Variants in NFIX observed in about 807,000 individuals in gnomAD.
The protein encoded by NFIX is nuclear factor I X.
NFIX carries 2 observed loss-of-function variants against 53.3 expected under a neutral mutation model. The observed-to-expected ratio is 0.04, with a 90% CI of 0.02 to 0.12. The LOEUF (loss-of-function observed/expected upper bound fraction) is 0.12. Ranked by LOEUF, NFIX falls within the 10% of genes least tolerant of loss-of-function variation. NFIX has a pLI of 1.00. For missense variants in NFIX, 310 were observed against 674.5 expected (o/e 0.46, Z 5.99); for synonymous variants, 244 against 289.0 (o/e 0.84, Z 1.58).
Position 13,045,451 on chromosome 19 carries a change from C to T in NFIX, c.559+19899C>T, listed in dbSNP as rs2014922814. Among the ~76,000 whole-genome samples the T allele has an allele frequency of 6.6e-6, 1 of 152,188 alleles. No individual in the cohort carries two copies. The highest frequency in any genetic ancestry group is 1.9e-4 in the East Asian group (1 of 5,180). On this transcript the variant is annotated intron_variant, in intron 2 of 10. Transcript: ENST00000592199. This position sits in a 1 kb window ranked among gnomAD's most constrained non-coding sequence, Gnocchi z 4.4. The stretch of plus-strand genomic sequence containing the variant: ...GGATGCTGCTAGCTGTCCTACACTG[C>T]ACAAGACGACCCCCCATAGAAGACA...
chr19:13,010,202 C>G (rs2012256487), intron 1 of NFIX, among the ~76,000 whole-genome samples: 1 of 152,320 alleles, frequency 6.6e-6, no homozygotes, highest in African/African-American at 2.4e-5. Context: ...GCCGGGCGGG[C>G]GGCCGGCCCT....
Position 12,998,857 on chromosome 19 carries a change from A to C in NFIX, c.27+2993A>C, listed in dbSNP as rs991842088. ...ATTGGTGTAGGCTTAGCGACACAGC[A>C]GTACCTCTTTGACGCACGTATGGAC... On this transcript the variant is annotated intron_variant, in intron 1 of 10. Coordinates refer to ENST00000592199, the MANE Select transcript of NFIX (RefSeq NM_001365902.3). The surrounding 1 kb of genome is among the most constrained non-coding windows in gnomAD (Gnocchi z 4.4). 6.6e-6 allele frequency among the ~76,000 whole-genome samples: 1 copy of C among 152,214 alleles called. No homozygotes were observed. Among genetic ancestry groups the C allele is most frequent in the Non-Finnish European group, 1.5e-5 (1 of 68,040 alleles).
In NFIX at chr19:13,052,701, T is replaced by C. The variant is rs77679906; in HGVS notation, c.560-20346T>C. On this transcript the variant is annotated intron_variant, in intron 2 of 10. Coordinates refer to ENST00000592199, the MANE Select transcript of NFIX (RefSeq NM_001365902.3). The surrounding 1 kb of genome is among the most constrained non-coding windows in gnomAD (Gnocchi z 5.2). ...ACCCTGCCGATTCCATATACTGTGC[T>C]CATCTCGACCCAGTTGAGGCTGTGC... 0.033 allele frequency among the ~76,000 whole-genome samples: 5,093 copies of C among 152,240 alleles called. 98 individuals carry two copies. Among genetic ancestry groups the C allele is most frequent in the Middle Eastern group, 0.082 (24 of 294 alleles).
At chr19:13,079,869 C>T (rs1429545816) in intron 7 of NFIX, among the ~76,000 whole-genome samples, 2 of 152,222 alleles carry the variant, frequency 1.3e-5, no homozygotes, top group Non-Finnish European at 2.9e-5. Context: ...TTGGGAATTG[C>T]GTGTGCAAGG....
rs572089090 is a variant in NFIX, at chr19:13,081,580, C to T, written c.1079-100C>T. The T allele has an allele frequency of 3.1e-5, 40 of 1,311,184 alleles. 1 individual carries two copies. In the South Asian group the frequency reaches 5.3e-4, roughly 18 times the overall value. 81.2% of individuals were successfully genotyped at this position (1,311,184 alleles called of 1,614,324 possible). ...GCGGCTGCCTTACCTGCTCAGGATC[C>T]TCAGGACCCTCTGACCGGCAGCTCC... On this transcript the variant is annotated intron_variant, in intron 7 of 10. Coordinates refer to ENST00000592199, the MANE Select transcript of NFIX (RefSeq NM_001365902.3). The surrounding 1 kb of genome is among the most constrained non-coding windows in gnomAD (Gnocchi z 4.7).
rs1169326431 is a variant in NFIX at position 13,068,095 on chromosome 19, A to C, written c.560-4952A>C. Among the ~76,000 whole-genome samples, 2 of 151,178 alleles carry C rather than the reference A, an allele frequency of 1.3e-5. No homozygotes were observed. Among genetic ancestry groups the C allele is most frequent in the African/African-American group, 4.9e-5 (2 of 41,048 alleles). ...ACTCCAGCCTGGGTGACAGAGCAAG[A>C]CTCCATCTCAAAAAAAAAACAAAAA... On this transcript the variant is annotated intron_variant, in intron 2 of 10. Transcript: ENST00000592199. This position sits in a 1 kb window ranked among gnomAD's most constrained non-coding sequence, Gnocchi z 4.2.
intron 2 of NFIX, among the ~76,000 whole-genome samples, chr19:13,038,287 C>A (rs949262110): frequency 1.3e-5 from 2 of 152,170 alleles, no homozygotes; most frequent in African/African-American, 4.8e-5. Flanking sequence ...TTATTGCCTA[C>A]CAAAGAGTTT....
intron 8 of NFIX, chr19:13,082,179 A>C: frequency 3.0e-6 from 1 of 337,346 alleles, no homozygotes; most frequent in Non-Finnish European, 5.5e-6. Context: ...CTGGGCCCTG[A>C]CCTCCCAGCG....
intron 1 of NFIX, among the ~76,000 whole-genome samples, chr19:13,007,287 G>A (rs2012076964): frequency 6.6e-6 from 1 of 152,180 alleles, no homozygotes; most frequent in African/African-American, 2.4e-5. Context: ...TTGGGGGTGG[G>A]GGCCGGGCCT....
rs1047665296 is a variant in NFIX at position 13,088,367 on chromosome 19, C to T, written c.1402+231C>T. Among the ~76,000 whole-genome samples the T allele has an allele frequency of 2.0e-5, 3 of 152,118 alleles. No individual in the cohort carries two copies. Among genetic ancestry groups the T allele is most frequent in the Admixed American group, 6.5e-5 (1 of 15,288 alleles). ...TGCCCGCTGCTCCCAGCCGGGGCCC[C>T]TGGCCCAGGCCCCTCTGGGGGGCGG... On this transcript the variant is annotated intron_variant, in intron 9 of 10. Transcript: ENST00000592199. The surrounding 1 kb of genome is among the most constrained non-coding windows in gnomAD (Gnocchi z 5.9).
intron 2 of NFIX, among the ~76,000 whole-genome samples, chr19:13,029,016 G>A (rs1475919562): frequency 6.6e-6 from 1 of 152,156 alleles, no homozygotes; most frequent in Non-Finnish European, 1.5e-5. Flanking sequence ...TCCCTCCTGT[G>A]CGCCTGCAGC....
intron 1 of NFIX, among the ~76,000 whole-genome samples, chr19:13,004,040 G>T (rs1387267894): frequency 6.6e-6 from 1 of 152,126 alleles, no homozygotes; most frequent in Admixed American, 6.5e-5. Flanking sequence ...CTCCCAAGGT[G>T]CTGGGAGCCA....
chr19:13,058,869 T>C (rs544593232), intron 2 of NFIX, among the ~76,000 whole-genome samples: 5 of 151,736 alleles, frequency 3.3e-5, no homozygotes, highest in Admixed American at 2.6e-4. Context: ...CTAGACTGAG[T>C]GAATGAAACA....
At chr19:13,024,974 C>A (rs767327519) in intron 1 of NFIX, 47 bp from the exon 2 acceptor site, 2 of 1,553,906 alleles carry the variant, frequency 1.3e-6, no homozygotes. Flanking sequence ...GTCTTCCCCT[C>A]CTCCCGTCCT....
chr19:13,025,296 C>T lies in NFIX; in HGVS notation c.303C>T (p.Pro101=), dbSNP rs781518589. The change falls in exon 2 of 11, where the codon CCC becomes CCT. Residue 101 remains proline, a synonymous_variant. Transcript: ENST00000592199. This position sits in a 1 kb window ranked among gnomAD's most constrained non-coding sequence, Gnocchi z 7.5. ...FVLTITGKKP[P]CCVLSNPDQK... is the part of the protein sequence containing the mutation. ...TGACCATCACGGGCAAGAAGCCCCCCTGCTGCGTGCTCTCCAACCCCGACC... is the reference window on the plus strand; with the variant it reads ...TGACCATCACGGGCAAGAAGCCCCCTTGCTGCGTGCTCTCCAACCCCGACC... The T allele has an allele frequency of 2.5e-6, 4 of 1,613,962 alleles. No homozygotes were observed. The highest frequency in any genetic ancestry group is 1.1e-5 in the South Asian group (1 of 91,092).
At chr19:13,008,563 C>G (rs530890964) in intron 1 of NFIX, among the ~76,000 whole-genome samples, 3 of 152,330 alleles carry the variant, frequency 2.0e-5, no homozygotes, top group Non-Finnish European at 4.4e-5. Flanking sequence ...CTTTGTTCCT[C>G]TCTTTCTCTC....
chr19:13,011,785 G>GC lies in NFIX; in HGVS notation c.28-13233dup, dbSNP rs1258612128. Among the ~76,000 whole-genome samples the GC allele has an allele frequency of 6.6e-6, 1 of 152,134 alleles. No homozygotes were observed. Among genetic ancestry groups the GC allele is most frequent in the Non-Finnish European group, 1.5e-5 (1 of 68,012 alleles). ...CCGCCAAGTGCGCCCCTCGACAGGT[G>GC]CCCGTCGCCCACAGGCTCCTTTCAT... On this transcript the variant is annotated intron_variant, in intron 1 of 10. Coordinates refer to ENST00000592199, the MANE Select transcript of NFIX (RefSeq NM_001365902.3). The surrounding 1 kb of genome is among the most constrained non-coding windows in gnomAD (Gnocchi z 6.5).
intron 8 of NFIX, among the ~76,000 whole-genome samples, chr19:13,086,825 C>A (rs1243294945): frequency 6.6e-6 from 1 of 152,230 alleles, no homozygotes; most frequent in Non-Finnish European, 1.5e-5. Context: ...CATACACCAG[C>A]TCATTGTCAT....
rs956320587 is a variant in NFIX, at chr19:13,022,284, C to G, written c.28-2737C>G. ...TGTGTTGCGTTGGCATCCCTCGTCA[C>G]CGCTAATGGAGTGTGCGTGGCTGGG... On this transcript the variant is annotated intron_variant, in intron 1 of 10. Coordinates refer to ENST00000592199, the MANE Select transcript of NFIX (RefSeq NM_001365902.3). This position sits in a 1 kb window ranked among gnomAD's most constrained non-coding sequence, Gnocchi z 4.5. Among the ~76,000 whole-genome samples, 1 of 152,126 alleles carries G rather than the reference C, an allele frequency of 6.6e-6. No homozygotes were observed. Among genetic ancestry groups the G allele is most frequent in the African/African-American group, 2.4e-5 (1 of 41,424 alleles).
Sources: allele counts gnomAD v4.1 joint callset (sites outside exome capture counted in the v4.1 genomes callset), GRCh38; gene constraint gnomAD v4.1.1; non-coding constraint Gnocchi (gnomAD v3.1); transcripts MANE v1.5; gene names NCBI Gene and HGNC (gene_info 2026-07-23, HGNC 2026-07-21).